Variants in PCDHGA3 observed in about 807,000 individuals in gnomAD.
PCDHGA3 encodes the protein protocadherin gamma-A3.
In PCDHGA3, 40 loss-of-function variants were observed where a neutral mutation model predicts 58.5. That is an observed-to-expected ratio of 0.68 (90% confidence interval 0.53 to 0.89). PCDHGA3 has a LOEUF of 0.89. Ranked by LOEUF, PCDHGA3 falls within the 40% of genes least tolerant of loss-of-function variation. The pLI, the probability that PCDHGA3 is intolerant of heterozygous loss-of-function variation, is 0.00. For synonymous variants in PCDHGA3, 530 were observed against 525.7 expected, an observed-to-expected ratio of 1.01 and a Z score of -0.11; for missense variants, 1,223 against 1,195.9, an observed-to-expected ratio of 1.02 and a Z score of -0.33.
intron 1 of PCDHGA3, chr5:141,362,094 A>G (rs749569389): frequency 6.2e-7 from 1 of 1,613,384 alleles, no homozygotes; most frequent in East Asian, 2.2e-5. Context: ...GACAGCCGCC[A>G]CTCTCCGCTA....
intron 1 of PCDHGA3, chr5:141,413,266 GGA>G: frequency 6.2e-7 from 1 of 1,613,962 alleles, no homozygotes; most frequent in South Asian, 1.1e-5. Context: ...ATGGGAGGCT[GGA>G]GCCCGGCAGA....
intron 1 of PCDHGA3, chr5:141,393,938 C>G (rs537803893): frequency 9.3e-6 from 15 of 1,613,818 alleles, no homozygotes; most frequent in Non-Finnish European, 1.3e-5. Context: ...ATGACCAAGA[C>G]TCTGGAAAGA....
chr5:141,430,761 T>G, intron 1 of PCDHGA3: 5 of 1,506,132 alleles, frequency 3.3e-6, no homozygotes, highest in Non-Finnish European at 3.5e-6. Context: ...AAGATAAGAA[T>G]GATTCCTGCG....
chr5:141,399,546 G>T, intron 1 of PCDHGA3: 1 of 1,614,032 alleles, frequency 6.2e-7, no homozygotes. Flanking sequence ...TCTGCGCCTC[G>T]GACCTGGACT....
chr5:141,485,982 A>G lies in PCDHGA3; in HGVS notation c.2425-8825A>G. 6.2e-7 allele frequency: 1 copy of G among 1,614,156 alleles called. No homozygotes were observed. The highest frequency in any genetic ancestry group is 8.5e-7 in the Non-Finnish European group (1 of 1,180,020). ...ATCCAGCTCAATGCCTCAGACCCGG[A>G]CCTGGGTCCCAGTGGTAACGTCACC... On this transcript the variant is annotated intron_variant, in intron 1 of 3. Coordinates refer to ENST00000253812, the MANE Select transcript of PCDHGA3 (RefSeq NM_018916.4). The surrounding 1 kb of genome is among the most constrained non-coding windows in gnomAD (Gnocchi z 5.7).
At chr5:141,418,549 C>A in intron 1 of PCDHGA3, 1 of 1,614,024 alleles carries the variant, frequency 6.2e-7, no homozygotes, top group Non-Finnish European at 8.5e-7. Context: ...AGATAAGAAT[C>A]CTGGTAATAG....
rs376101780 is a variant in PCDHGA3, at chr5:141,485,901, A to G, written c.2425-8906A>G. 3 of 1,614,026 alleles carry G rather than the reference A, an allele frequency of 1.9e-6. No homozygotes were observed. In the African/African-American group the frequency reaches 4.0e-5, roughly 22 times the overall value. Reference sequence around the variant, plus strand: ...GTAAACGACAACGCCCCAGCCTTCCAGCAATCCAGCTACAGGATTAGTGTG... The same window carrying G: ...GTAAACGACAACGCCCCAGCCTTCCGGCAATCCAGCTACAGGATTAGTGTG... On this transcript the variant is annotated intron_variant, in intron 1 of 3. Coordinates refer to ENST00000253812, the MANE Select transcript of PCDHGA3 (RefSeq NM_018916.4). This position sits in a 1 kb window ranked among gnomAD's most constrained non-coding sequence, Gnocchi z 5.7.
At chr5:141,409,502 T>G (rs1311120933) in intron 1 of PCDHGA3, 17 of 1,613,868 alleles carry the variant, frequency 1.1e-5, no homozygotes, top group Non-Finnish European at 1.4e-5. Context: ...GCCTCTTTCT[T>G]CCAGTAGAAG....
At chr5:141,415,458 C>T in intron 1 of PCDHGA3, 5 of 1,614,204 alleles carry the variant, frequency 3.1e-6, no homozygotes, top group Non-Finnish European at 4.2e-6. Flanking sequence ...CCCACGAGGT[C>T]TCTCTCACCG....
intron 1 of PCDHGA3, chr5:141,409,190 C>T (rs868189970): frequency 6.2e-7 from 1 of 1,613,986 alleles, no homozygotes; most frequent in Non-Finnish European, 8.5e-7. Context: ...TCTCTCTACC[C>T]AGTGTAAAGT....
At chr5:141,395,389 G>A in intron 1 of PCDHGA3, 1 of 986,786 alleles carries the variant, frequency 1.0e-6, no homozygotes, top group South Asian at 1.8e-5. Context: ...CTATAAAATT[G>A]AACTCTAATA....
rs146800629 is a variant in PCDHGA3 at position 141,347,267 on chromosome 5, C to T, written c.2424+810C>T. On this transcript the variant is annotated intron_variant, in intron 1 of 3. Transcript: ENST00000253812. The stretch of plus-strand genomic sequence containing the variant: ...CTCGCAGACTCAAGTGATCCTCCCA[C>T]CTCAGCCTCCCGAGTAGCTGGGACT... 1.0e-3 allele frequency among the ~76,000 whole-genome samples: 157 copies of T among 151,962 alleles called. 1 individual carries two copies. The highest frequency in any genetic ancestry group is 2.2e-3 in the Admixed American group (34 of 15,248).
Position 141,451,680 on chromosome 5 carries a change from A to G in PCDHGA3, c.2425-43127A>G, listed in dbSNP as rs189200375. Among the ~76,000 whole-genome samples, 85 of 152,310 alleles carry G rather than the reference A, an allele frequency of 5.6e-4. 1 individual carries two copies. The East Asian group carries it at 0.012, about 21-fold the overall frequency. On this transcript the variant is annotated intron_variant, in intron 1 of 3. Coordinates refer to ENST00000253812, the MANE Select transcript of PCDHGA3 (RefSeq NM_018916.4). The stretch of plus-strand genomic sequence containing the variant: ...GTGGACTGCTTGAGCCCAGGAGTTC[A>G]AGACCAGCCTGGGTAACATGACAAA...
Position 141,344,911 on chromosome 5 carries a change from A to G in PCDHGA3, c.878A>G (p.His293Arg). The G allele has an allele frequency of 1.9e-6, 3 of 1,613,922 alleles. No individual in the cohort carries two copies. Among genetic ancestry groups the G allele is most frequent in the East Asian group, 2.2e-5 (1 of 44,890 alleles). Reference sequence around the variant, plus strand: ...CCTGGGAAAATCGCTGAGATTTTCCATCTTAACTCAGTGAGTGGAGAAGTA... The same window carrying G: ...CCTGGGAAAATCGCTGAGATTTTCCGTCTTAACTCAGTGAGTGGAGAAGTA... ...KMPGKIAEIF[H>R]LNSVSGEVSI... Residue 293 changes from histidine to arginine, a missense_variant, in exon 1 of 4, where the codon CAT (histidine) becomes CGT (arginine). This residue lies in a region of PCDHGA3 where 791 missense variants were observed against 708.5 expected (regional missense o/e 1.12). Transcript: ENST00000253812.
At chr5:141,384,494 T>C in intron 1 of PCDHGA3, 1 of 1,613,972 alleles carries the variant, frequency 6.2e-7, no homozygotes, top group African/African-American at 1.3e-5. Flanking sequence ...CAACTAAGAG[T>C]GACTGCACAT....
intron 1 of PCDHGA3, chr5:141,372,314 G>A (rs369724462): frequency 7.7e-5 from 125 of 1,613,460 alleles, no homozygotes; most frequent in Non-Finnish European, 1.0e-4. Context: ...CCGCCCGCCA[G>A]CGCCTGCTGG....
At chr5:141,412,424 C>G (rs1383441983) in intron 1 of PCDHGA3, 1 of 152,136 alleles carries the variant, frequency 6.6e-6, no homozygotes, top group Non-Finnish European at 1.5e-5. Flanking sequence ...ATGTTTTACA[C>G]AAAAAGGTTA....
intron 1 of PCDHGA3, among the ~76,000 whole-genome samples, chr5:141,444,395 T>A (rs960583048): frequency 1.3e-5 from 2 of 151,996 alleles, no homozygotes; most frequent in Non-Finnish European, 2.9e-5. Context: ...AGTCTTGAAC[T>A]CCCAACCTCA....
At position 141,371,994 on chromosome 5, in the gene PCDHGA3, G is replaced by T. The variant is rs769252405; in HGVS notation, c.2424+25537G>T. The T allele has an allele frequency of 1.2e-6, 2 of 1,613,246 alleles. No individual in the cohort carries two copies. Among genetic ancestry groups the T allele is most frequent in the Non-Finnish European group, 1.7e-6 (2 of 1,179,762 alleles). Reference sequence around the variant, plus strand: ...GCGTGCCTTCGAGCTCACTCTGCAGGCCCGCGACCAGGGCTCGCCTACGCT... The same window carrying T: ...GCGTGCCTTCGAGCTCACTCTGCAGTCCCGCGACCAGGGCTCGCCTACGCT... On this transcript the variant is annotated intron_variant, in intron 1 of 3. Coordinates refer to ENST00000253812, the MANE Select transcript of PCDHGA3 (RefSeq NM_018916.4).
Sources: allele counts gnomAD v4.1 joint callset (sites outside exome capture counted in the v4.1 genomes callset), GRCh38; gene constraint gnomAD v4.1.1; regional missense constraint gnomAD v4.1.1; non-coding constraint Gnocchi (gnomAD v3.1); transcripts MANE v1.5; gene names NCBI Gene and HGNC (gene_info 2026-07-23, HGNC 2026-07-21).